OTUB2: variants seen among roughly 807,000 people sequenced by gnomAD.
OTUB2 encodes OTU deubiquitinase, ubiquitin aldehyde binding 2.
A neutral mutation model predicts 25.1 loss-of-function variants in OTUB2; 21 were observed. That is an observed-to-expected ratio of 0.84 (90% CI 0.59 to 1.21). The LOEUF (loss-of-function observed/expected upper bound fraction) is 1.21, where lower values mean the gene tolerates loss of function less well. Among genes scored for constraint, OTUB2 ranks in the 50% most tolerant of loss-of-function variants. The pLI, the probability that OTUB2 is intolerant of heterozygous loss-of-function variation, is 0.00. For missense variants in OTUB2, 283 were observed against 298.0 expected (o/e 0.95, Z 0.37); for synonymous variants, 122 against 122.8 (o/e 0.99, Z 0.04).
chr14:94,026,461 G>A lies in OTUB2; in HGVS notation c.-77G>A. On this transcript the variant is annotated 5_prime_UTR_variant, in exon 1 of 6. Transcript: ENST00000203664. ...CGCCACCGAACCAGCGGCGGAGCCC[G>A]CCCGCGCCTCCCGCGGCATTCCCGC... The A allele has an allele frequency of 7.6e-7, 1 of 1,321,750 alleles. No individual in the cohort carries two copies. Among genetic ancestry groups the A allele is most frequent in the East Asian group, 3.1e-5 (1 of 32,242 alleles). 81.9% of individuals were successfully genotyped at this position (1,321,750 alleles called of 1,614,324 possible). A position where few individuals can be genotyped will look rare whatever the true frequency, so the allele number is the denominator to read the frequency against.
chr14:94,037,407 G>T lies in OTUB2; in HGVS notation c.31G>T (p.Glu11Ter), dbSNP rs531261657. MSETSFNLISEKCDILSILRD... is the reference protein window; with the variant it reads MSETSFNLIS The stretch of plus-strand genomic sequence containing the variant: ...TGAAACATCTTTCAACCTAATATCA[G>T]AAAAATGTGACATTCTATCCATTCT... Residue 11 changes from glutamate to a stop codon, truncating the protein, a stop_gained, in exon 2 of 6, where the codon GAA becomes TAA. Transcript: ENST00000203664. LOFTEE classifies it high-confidence loss of function. 12 of 1,600,552 alleles carry T rather than the reference G, an allele frequency of 7.5e-6. No individual in the cohort carries two copies. In the South Asian group the frequency reaches 1.2e-4, roughly 16 times the overall value.
chr14:94,037,392 T>G lies in OTUB2; in HGVS notation c.16T>G (p.Phe6Val). The G allele has an allele frequency of 6.3e-7, 1 of 1,589,946 alleles. No homozygotes were observed. The highest frequency in any genetic ancestry group is 8.6e-7 in the Non-Finnish European group (1 of 1,158,720). The change falls in exon 2 of 6, where the codon TTC becomes GTC. Residue 6 changes from phenylalanine to valine, a missense_variant. By Grantham distance (50) the Phe-to-Val change is conservative. Coordinates refer to ENST00000203664, the MANE Select transcript of OTUB2 (RefSeq NM_023112.4). ...CCCTATCTTTCAGAGTGAAACATCT[T>G]TCAACCTAATATCAGAAAAATGTGA... is the stretch of plus-strand genomic sequence containing the variant. MSETS[F>V]NLISEKCDIL...
chr14:94,043,968 T>C lies in OTUB2; in HGVS notation c.219-3T>C, dbSNP rs767204739. ...GTAAACACTCAGTCTTCCCCCTCTG[T>C]AGGTTCAAAGAACGCGTACTGCAGA... On this transcript the variant is annotated splice_region_variant and splice_polypyrimidine_tract_variant and intron_variant, in intron 3 of 5. Coordinates refer to ENST00000203664, the MANE Select transcript of OTUB2 (RefSeq NM_023112.4). 1.2e-6 allele frequency: 2 copies of C among 1,613,886 alleles called. No homozygotes were observed. The highest frequency in any genetic ancestry group is 3.3e-5 in the Admixed American group (2 of 60,030).
chr14:94,043,812 G>C (rs1885207799), intron 3 of OTUB2, among the ~76,000 whole-genome samples, 159 bp from the exon 4 acceptor site: 1 of 152,234 alleles, frequency 6.6e-6, no homozygotes, highest in Non-Finnish European at 1.5e-5. Context: ...GATGTGCACG[G>C]TGCATGTGGC....
chr14:94,045,756 TCACGGCGTTGTCGCAG>T lies in OTUB2; in HGVS notation c.540_555del (p.Ile180MetfsTer3). On this transcript the variant is annotated frameshift_variant, in exon 6 of 6. Coordinates refer to ENST00000203664, the MANE Select transcript of OTUB2 (RefSeq NM_023112.4). LOFTEE classifies it high-confidence loss of function. ...GCCACGGAGTGTGACCACATCCAGA[TCACGGCGTTGTCGCAG>T]GCCCTGAGCATTGCCCTGCAAGTGG... 3 of 1,614,200 alleles carry T rather than the reference TCACGGCGTTGTCGCAG, an allele frequency of 1.9e-6. No individual in the cohort carries two copies. The highest frequency in any genetic ancestry group is 2.5e-6 in the Non-Finnish European group (3 of 1,180,042).
At chr14:94,030,837 T>G (rs1884949852) in intron 1 of OTUB2, among the ~76,000 whole-genome samples, 1 of 151,348 alleles carries the variant, frequency 6.6e-6, no homozygotes, top group African/African-American at 2.4e-5. Context: ...GGCCGGTGTG[T>G]AAGCCGGGAA....
At position 94,044,489 on chromosome 14, in the gene OTUB2, C is replaced by T. The variant is rs184410350; in HGVS notation, c.304-97C>T. 704 of 1,236,710 alleles carry T rather than the reference C, an allele frequency of 5.7e-4. 3 individuals carry two copies. In the African/African-American group the frequency reaches 8.1e-3, roughly 14 times the overall value. 76.6% of individuals were successfully genotyped at this position (1,236,710 alleles called of 1,614,324 possible). A position where few individuals can be genotyped will look rare whatever the true frequency, so the allele number is the denominator to read the frequency against. ...CTGAGAATCTACAAATGAAAATGCA[C>T]GTGAGGGCTTCACGCGAAGGGAGGG... On this transcript the variant is annotated intron_variant, in intron 4 of 5. Transcript: ENST00000203664.
chr14:94,033,337 G>A (rs1208723425), intron 1 of OTUB2, among the ~76,000 whole-genome samples: 3 of 152,202 alleles, frequency 2.0e-5, no homozygotes, highest in East Asian at 1.9e-4. Context: ...TGCCACCCCC[G>A]TTCCTAATCC....
chr14:94,040,007 A>C (rs991781581), intron 3 of OTUB2, among the ~76,000 whole-genome samples: 1 of 152,130 alleles, frequency 6.6e-6, no homozygotes, highest in East Asian at 1.9e-4. Context: ...TTGTAGGCCT[A>C]TTAACAGCAT....
In OTUB2 at chr14:94,026,418, C is replaced by T. The variant is rs754777836; in HGVS notation, c.-120C>T. On this transcript the variant is annotated 5_prime_UTR_variant, in exon 1 of 6. Coordinates refer to ENST00000203664, the MANE Select transcript of OTUB2 (RefSeq NM_023112.4). ...CGGTCGGGTGTATTCTCCGCCGCCC[C>T]CACGCCCTCGAGGTCCCCGCCACCG... The T allele has an allele frequency of 5.9e-4, 760 of 1,288,666 alleles. No individual in the cohort carries two copies. Among genetic ancestry groups the T allele is most frequent in the Non-Finnish European group, 6.9e-4 (701 of 1,017,048 alleles). 79.8% of individuals were successfully genotyped at this position (1,288,666 alleles called of 1,614,324 possible).
Position 94,038,991 on chromosome 14 carries a change from G to T in OTUB2, c.128G>T (p.Arg43Leu), listed in dbSNP as rs770299750. 6.2e-7 allele frequency: 1 copy of T among 1,614,064 alleles called. No individual in the cohort carries two copies. The highest frequency in any genetic ancestry group is 8.5e-7 in the Non-Finnish European group (1 of 1,180,034). ...EELSKRFTAI[R>L]KTKGDGNCFY... ...CTCAGCAAAAGGTTCACCGCCATCC[G>T]CAAGACCAAAGGGGATGGGAACTGC... The change falls in exon 3 of 6, where the codon CGC (arginine) becomes CTC (leucine). Residue 43 changes from arginine (R) to leucine (L), a missense_variant. Arg to Leu is a moderately radical substitution (Grantham distance 102). Transcript: ENST00000203664.
Position 94,045,721 on chromosome 14 carries a change from A to AGAG in OTUB2, c.505_507dup (p.Glu169dup). ...TTTCATTTTGGCCCCTGCAGGAAGTAGAGCCCATGGCCACGGAGTGTGACC... is the reference window on the plus strand; with the variant it reads ...TTTCATTTTGGCCCCTGCAGGAAGTAGAGGAGCCCATGGCCACGGAGTGTGACC... On this transcript the variant is annotated inframe_insertion, in exon 6 of 6. Transcript: ENST00000203664. 6.2e-7 allele frequency: 1 copy of AGAG among 1,614,108 alleles called. No individual in the cohort carries two copies. The highest frequency in any genetic ancestry group is 8.5e-7 in the Non-Finnish European group (1 of 1,179,980).
chr14:94,030,345 G>A (rs945284629), intron 1 of OTUB2, among the ~76,000 whole-genome samples: 1 of 151,874 alleles, frequency 6.6e-6, no homozygotes, highest in East Asian at 1.9e-4. Flanking sequence ...GAAGCCTGTC[G>A]GGGGTGGGGG....
At position 94,046,620 on chromosome 14, in the gene OTUB2, C is replaced by T. The variant is rs1308867142; in HGVS notation, c.*698C>T. On this transcript the variant is annotated 3_prime_UTR_variant, in exon 6 of 6. Transcript: ENST00000203664. ...CTAGAACTGCCTGACTCTTGGTGGA[C>T]GAGCCCTTCAGGGTTCTGCTTTCAG... 3.3e-5 allele frequency: 5 copies of T among 152,674 alleles called. No homozygotes were observed. Among genetic ancestry groups the T allele is most frequent in the African/African-American group, 9.7e-5 (4 of 41,410 alleles). The allele number at this position is 152,674 out of a possible 1,614,324, so 9.5% of individuals were successfully genotyped here. A position where few individuals can be genotyped will look rare whatever the true frequency, so the allele number is the denominator to read the frequency against.
rs1030121022 is a variant in OTUB2, at chr14:94,048,086, G to C, written c.*2164G>C. ...ACGTTCTCTCTCAGATCTTTGTCTC[G>C]AAGGGAAAACATAGTGGATGAAAAG... is the stretch of plus-strand genomic sequence containing the variant. On this transcript the variant is annotated 3_prime_UTR_variant, in exon 6 of 6. Coordinates refer to ENST00000203664, the MANE Select transcript of OTUB2 (RefSeq NM_023112.4). 1 of 152,118 alleles carries C rather than the reference G, an allele frequency of 6.6e-6. No homozygotes were observed. Among genetic ancestry groups the C allele is most frequent in the Non-Finnish European group, 1.5e-5 (1 of 68,034 alleles). 9.4% of individuals were successfully genotyped at this position (152,118 alleles called of 1,614,324 possible).
chr14:94,035,181 G>A (rs1885027978), intron 1 of OTUB2, among the ~76,000 whole-genome samples: 1 of 151,890 alleles, frequency 6.6e-6, no homozygotes, highest in Non-Finnish European at 1.5e-5. Flanking sequence ...GCTTCTGGAA[G>A]CAAAATCCAG....
rs997299931 is a variant in OTUB2 at position 94,047,609 on chromosome 14, C to A, written c.*1687C>A. ...TGATTTGTGAATATCATCATCTTTG[C>A]CAGACAAGTCTCCAGGGGATCCCTG... is the stretch of plus-strand genomic sequence containing the variant. On this transcript the variant is annotated 3_prime_UTR_variant, in exon 6 of 6. Transcript: ENST00000203664. The A allele has an allele frequency of 6.6e-6, 1 of 152,248 alleles. No homozygotes were observed. Among genetic ancestry groups the A allele is most frequent in the African/African-American group, 2.4e-5 (1 of 41,458 alleles). The allele number at this position is 152,248 out of a possible 1,614,324, so 9.4% of individuals were successfully genotyped here. A position where few individuals can be genotyped will look rare whatever the true frequency, so the allele number is the denominator to read the frequency against.
chr14:94,041,877 C>T (rs1444005107), intron 3 of OTUB2, among the ~76,000 whole-genome samples: 1 of 152,234 alleles, frequency 6.6e-6, no homozygotes, highest in Non-Finnish European at 1.5e-5. Flanking sequence ...TGAACAGTGG[C>T]CATAGCCCTG....
In OTUB2 at chr14:94,027,028, G is replaced by A. The variant is rs144380965; in HGVS notation, c.3+488G>A. 2.6e-5 allele frequency among the ~76,000 whole-genome samples: 4 copies of A among 152,368 alleles called. No homozygotes were observed. In the East Asian group the frequency reaches 7.7e-4, roughly 29 times the overall value. On this transcript the variant is annotated intron_variant, in intron 1 of 5. Coordinates refer to ENST00000203664, the MANE Select transcript of OTUB2 (RefSeq NM_023112.4). The stretch of plus-strand genomic sequence containing the variant: ...CACGGGGCACCAGGTCGTCTGCTCC[G>A]TGGGCGACTAGACCGTCTCCATCTT...
Sources: gnomAD v4.1 joint callset for allele counts (sites outside exome capture counted in the v4.1 genomes callset) on GRCh38, gnomAD v4.1.1 for gene constraint, MANE v1.5 for transcripts, NCBI Gene and HGNC (gene_info 2026-07-23, HGNC 2026-07-21) for gene names.